CYP4F12: variants seen among roughly 807,000 people sequenced by gnomAD.
The protein encoded by CYP4F12 is cytochrome P450 4F12.
CYP4F12 carries 60 observed loss-of-function variants against 56.5 expected under a neutral mutation model. The observed-to-expected ratio is 1.06, with a 90% confidence interval of 0.86 to 1.32. CYP4F12 has a LOEUF of 1.32. Ranked by LOEUF, CYP4F12 falls within the 40% of genes most tolerant of loss-of-function variation. CYP4F12 has a pLI of 0.00. For missense variants in CYP4F12, 711 were observed against 683.5 expected, an observed-to-expected ratio of 1.04 and a Z score of -0.45; for synonymous variants, 263 against 264.9, an observed-to-expected ratio of 0.99 and a Z score of 0.07.
At chr19:15,689,650 A>G (rs904381526) in intron 9 of CYP4F12, among the ~76,000 whole-genome samples, 4 of 152,266 alleles carry the variant, frequency 2.6e-5, no homozygotes, top group African/African-American at 9.6e-5. Flanking sequence ...ACACATGCAC[A>G]TGCATGCTTA....
In CYP4F12 at chr19:15,673,620, C is replaced by T. The variant is rs2006735420; in HGVS notation, c.91C>T (p.Leu31Phe). The change falls in exon 2 of 13, where the codon CTC becomes TTC. Residue 31 changes from leucine to phenylalanine, a missense_variant. Transcript: ENST00000550308. ...GCTGCTGGTTGTGGGCTCCTGGCTA[C>T]TCGCCCGCATCCTGGCTTGGACCTA... ...LLLLVVGSWL[L>F]ARILAWTYAF... The T allele has an allele frequency of 6.2e-7, 1 of 1,614,082 alleles. No homozygotes were observed. The highest frequency in any genetic ancestry group is 1.3e-5 in the African/African-American group (1 of 74,932).
chr19:15,695,935 G>A lies in CYP4F12; in HGVS notation c.1116-1G>A. 6.2e-7 allele frequency: 1 copy of A among 1,612,354 alleles called. No homozygotes were observed. On this transcript the variant is annotated splice_acceptor_variant, in intron 9 of 12. Transcript: ENST00000550308. LOFTEE classifies it high-confidence loss of function. Reference sequence around the variant, plus strand: ...TGACTGGGGCTGGGGTGTTTCCTTAGGGACGACCTGGCCCAGCTGCCCTTC... The same window carrying A: ...TGACTGGGGCTGGGGTGTTTCCTTAAGGACGACCTGGCCCAGCTGCCCTTC...
rs763031392 is a variant in CYP4F12 at position 15,697,106 on chromosome 19, T to G, written c.*21T>G. On this transcript the variant is annotated 3_prime_UTR_variant, in exon 13 of 13. Transcript: ENST00000550308. ...AGTGACTTTCTGACCCATCCACCTG[T>G]TTTTTTGCAGATTGTCATGAATAAA... 3 of 1,586,624 alleles carry G rather than the reference T, an allele frequency of 1.9e-6. No individual in the cohort carries two copies. Among genetic ancestry groups the G allele is most frequent in the Admixed American group, 3.4e-5 (2 of 58,686 alleles).
At chr19:15,687,929 A>T (rs753949302) in intron 9 of CYP4F12, among the ~76,000 whole-genome samples, 6 of 152,140 alleles carry the variant, frequency 3.9e-5, no homozygotes, top group Non-Finnish European at 5.9e-5. Flanking sequence ...GAAATGCCCA[A>T]ATGAATTTCT....
chr19:15,689,723 T>C (rs952908060), intron 9 of CYP4F12, among the ~76,000 whole-genome samples: 1 of 152,032 alleles, frequency 6.6e-6, no homozygotes, highest in Non-Finnish European at 1.5e-5. Flanking sequence ...GACCAATGAG[T>C]GGATAAAGAA....
chr19:15,687,387 G>C (rs770683364), intron 9 of CYP4F12, among the ~76,000 whole-genome samples: 9 of 152,124 alleles, frequency 5.9e-5, no homozygotes, highest in Non-Finnish European at 1.3e-4. Flanking sequence ...CACTTTATAA[G>C]AACACAGACT....
intron 9 of CYP4F12, among the ~76,000 whole-genome samples, chr19:15,692,939 G>C (rs894760034): frequency 6.6e-6 from 1 of 151,952 alleles, no homozygotes; most frequent in Admixed American, 6.6e-5. Context: ...TTAGCTGGCT[G>C]TTGTGGTGAA....
At position 15,696,034 on chromosome 19, in the gene CYP4F12, A is replaced by T. The variant is rs569312095; in HGVS notation, c.1214A>T (p.Asp405Val). The change falls in exon 10 of 13, where the codon GAC becomes GTC. Residue 405 changes from aspartate to valine, a missense_variant. Physicochemically the swap from Asp to Val is radical, Grantham distance 152. Coordinates refer to ENST00000550308, the MANE Select transcript of CYP4F12 (RefSeq NM_023944.4). ...TTCATCTCCCGATGCTGCACCCAGG[A>T]CATTGTTCTCCCAGATGGCCGAGTC... ...APFISRCCTQ[D>V]IVLPDGRVIP... 6.2e-7 allele frequency: 1 copy of T among 1,613,988 alleles called. No individual in the cohort carries two copies. Among genetic ancestry groups the T allele is most frequent in the South Asian group, 1.1e-5 (1 of 91,068 alleles).
At chr19:15,678,602 C>T in intron 3 of CYP4F12, 197 bp downstream of exon 3, 1 of 654,634 alleles carries the variant, frequency 1.5e-6, no homozygotes, top group East Asian at 2.9e-5. Context: ...ATTCAGGGCC[C>T]TTTCTGGAAG....
intron 9 of CYP4F12, among the ~76,000 whole-genome samples, chr19:15,686,539 AGGAGAC>A (rs1419270298): frequency 3.3e-5 from 5 of 152,300 alleles, no homozygotes; most frequent in African/African-American, 1.2e-4. Context: ...GGAAGACAGA[AGGAGAC>A]AGAGAGAGAA....
intron 9 of CYP4F12, among the ~76,000 whole-genome samples, chr19:15,692,078 C>G (rs1488385589): frequency 6.6e-6 from 1 of 152,162 alleles, no homozygotes; most frequent in Admixed American, 6.5e-5. Context: ...CCTGCCTCAG[C>G]CTCCCGAGTA....
intron 3 of CYP4F12, among the ~76,000 whole-genome samples, chr19:15,679,456 C>T (rs1272823189): frequency 6.6e-5 from 8 of 121,428 alleles, no homozygotes; most frequent in African/African-American, 2.4e-4. Context: ...GCTCACCTTA[C>T]CCCCAGGGGT....
At chr19:15,694,066 G>A (rs1319557746) in intron 9 of CYP4F12, among the ~76,000 whole-genome samples, 2 of 151,936 alleles carry the variant, frequency 1.3e-5, no homozygotes, top group Admixed American at 1.3e-4. Context: ...TTTGGTACCA[G>A]TACCATGCTG....
intron 9 of CYP4F12, 106 bp from the exon 10 acceptor site, chr19:15,695,830 G>C (rs2008104318): frequency 6.2e-6 from 9 of 1,449,276 alleles, no homozygotes; most frequent in Non-Finnish European, 8.2e-6. Flanking sequence ...GATCCCCGTG[G>C]AGTTTATTTT....
At chr19:15,680,778 G>T in intron 5 of CYP4F12, 1 of 507,606 alleles carries the variant, frequency 2.0e-6, no homozygotes, top group East Asian at 3.9e-5. Context: ...GAGTAAAAAT[G>T]AAGATTGTGT....
intron 7 of CYP4F12, 58 bp from the exon 8 acceptor site, chr19:15,684,757 TG>T (rs1230551596): frequency 1.4e-4 from 21 of 149,510 alleles, no homozygotes; most frequent in Non-Finnish European, 2.2e-4. Context: ...TAGTATAATT[TG>T]TGTGTGTGTG....
chr19:15,674,672 C>T (rs1295298563), intron 2 of CYP4F12, among the ~76,000 whole-genome samples: 8 of 147,390 alleles, frequency 5.4e-5, no homozygotes, highest in African/African-American at 2.2e-4. Context: ...TTCCTCTCCT[C>T]ACTCACTCAT....
At chr19:15,685,523 C>G (rs1379185053) in intron 9 of CYP4F12, among the ~76,000 whole-genome samples, 1 of 152,226 alleles carries the variant, frequency 6.6e-6, no homozygotes, top group Non-Finnish European at 1.5e-5. Flanking sequence ...AAAATCCTCA[C>G]TTCTTGAATG....
intron 9 of CYP4F12, 148 bp downstream of exon 9, chr19:15,685,345 A>C (rs1484841396): frequency 7.6e-7 from 1 of 1,312,148 alleles, no homozygotes; most frequent in African/African-American, 1.5e-5. Context: ...CTTGATACCA[A>C]GCCTGGCTGT....
Sources: allele counts gnomAD v4.1 joint callset (sites outside exome capture counted in the v4.1 genomes callset), GRCh38; gene constraint gnomAD v4.1.1; transcripts MANE v1.5; gene names NCBI Gene and HGNC (gene_info 2026-07-23, HGNC 2026-07-21).